Variants in TRIP12 observed in about 807,000 individuals in gnomAD.
TRIP12 encodes the protein thyroid hormone receptor interactor 12.
Under a neutral mutation model 244.2 loss-of-function variants are expected in TRIP12, and 25 were observed. That is an observed-to-expected ratio of 0.10 (90% CI 0.07 to 0.14). The LOEUF (loss-of-function observed/expected upper bound fraction) is 0.14, where lower values mean the gene tolerates loss of function less well. TRIP12 is among the 10% of genes least tolerant of loss of function. TRIP12 has a pLI of 1.00. For synonymous variants in TRIP12, 905 were observed against 873.1 expected (o/e 1.04, Z -0.64); for missense variants, 1,677 against 2,486.4 (o/e 0.67, Z 6.92).
Position 229,798,867 on chromosome 2 carries a change from C to G in TRIP12, c.3482+8G>C, listed in dbSNP as rs771358984. 10 of 1,610,996 alleles carry G rather than the reference C, an allele frequency of 6.2e-6. No homozygotes were observed. The Admixed American group carries it at 1.5e-4, about 24-fold the overall frequency. On this transcript the variant is annotated splice_region_variant and intron_variant, in intron 23 of 41. Transcript: ENST00000675903. ...AATAGAAGAAACATAAAACTCCCCC[C>G]ACTTCACCTATTATTGGAGATGGTA...
At chr2:229,816,598 A>T in intron 9 of TRIP12, among the ~76,000 whole-genome samples, 1 of 152,326 alleles carries the variant, frequency 6.6e-6, no homozygotes, top group East Asian at 1.9e-4. Flanking sequence ...AATAACAGCC[A>T]TTATTAATAG....
chr2:229,890,009 T>C (rs2066938346), intron 1 of TRIP12, among the ~76,000 whole-genome samples: 1 of 152,032 alleles, frequency 6.6e-6, no homozygotes, highest in Non-Finnish European at 1.5e-5. Context: ...TTTTCAAAAA[T>C]ATTCTCTTCA....
intron 8 of TRIP12, among the ~76,000 whole-genome samples, chr2:229,828,784 A>T (rs1185973323): frequency 6.6e-6 from 1 of 152,102 alleles, no homozygotes; most frequent in East Asian, 1.9e-4. Flanking sequence ...ATATATATAT[A>T]TAAAAAGTAC....
chr2:229,838,612 C>A (rs904332141), intron 5 of TRIP12, among the ~76,000 whole-genome samples: 39 of 152,230 alleles, frequency 2.6e-4, no homozygotes, highest in African/African-American at 9.4e-4. Context: ...TACCTGACTT[C>A]GCATATGGCT....
chr2:229,781,907 C>A (rs1277088901), intron 34 of TRIP12, among the ~76,000 whole-genome samples: 1 of 152,054 alleles, frequency 6.6e-6, no homozygotes, highest in Admixed American at 6.6e-5. Context: ...CAGGTAAGAC[C>A]CATGAAGGAA....
intron 1 of TRIP12, among the ~76,000 whole-genome samples, chr2:229,918,141 T>C (rs536569471): frequency 1.3e-5 from 2 of 152,282 alleles, no homozygotes; most frequent in Middle Eastern, 3.4e-3. Context: ...AGATCACAGG[T>C]AGAAACTTGT....
At chr2:229,893,325 A>G (rs1281029347) in intron 1 of TRIP12, among the ~76,000 whole-genome samples, 1 of 152,224 alleles carries the variant, frequency 6.6e-6, no homozygotes, top group African/African-American at 2.4e-5. Context: ...TTCAACAACG[A>G]AATGCCCAAG....
In TRIP12 at chr2:229,818,507, T is replaced by C. The variant is rs1033538724; in HGVS notation, c.1456A>G (p.Lys486Glu). 3 of 1,613,014 alleles carry C rather than the reference T, an allele frequency of 1.9e-6. No homozygotes were observed. Among genetic ancestry groups the C allele is most frequent in the Non-Finnish European group, 2.5e-6 (3 of 1,179,590 alleles). The change falls in exon 9 of 42, where the codon AAG becomes GAG. Residue 486 changes from lysine (K) to glutamate (E), a missense_variant. Around this residue, in one of 11 missense-constraint regions of TRIP12, gnomAD observed 143 missense variants for 215.6 expected, o/e 0.66. Coordinates refer to ENST00000675903, the MANE Select transcript of TRIP12 (RefSeq NM_001348323.3). ...AATCCTTGTAGTAGCTGCTGGGCCT[T>C]AGAACCTTTAGAGAAAAAAATAATT... Reference protein sequence around the residue: ...HRTIGSGASSKAQQLLQGLQA... With the variant: ...HRTIGSGASSEAQQLLQGLQA...
At chr2:229,794,967 T>C (rs1430106549) in intron 26 of TRIP12, 12 of 406,580 alleles carry the variant, frequency 3.0e-5, no homozygotes, top group Non-Finnish European at 4.6e-5. Flanking sequence ...CTGGATTATA[T>C]ATTTATAAAG....
chr2:229,918,068 CAT>C (rs1439251109), intron 1 of TRIP12, among the ~76,000 whole-genome samples: 2 of 152,182 alleles, frequency 1.3e-5, no homozygotes, highest in Admixed American at 6.5e-5. Flanking sequence ...AAAAGCAACA[CAT>C]GTCAACAAAT....
intron 1 of TRIP12, among the ~76,000 whole-genome samples, chr2:229,881,464 C>A (rs2064862587): frequency 1.3e-5 from 2 of 152,110 alleles, no homozygotes; most frequent in African/African-American, 4.8e-5. Context: ...GCAAATTAAT[C>A]ATAATTAAAT....
At chr2:229,789,066 C>G (rs752899626) in intron 31 of TRIP12, 126 bp from the exon 32 acceptor site, 3 of 806,170 alleles carry the variant, frequency 3.7e-6, no homozygotes, top group Non-Finnish European at 5.8e-6. Flanking sequence ...TTCCAACATA[C>G]AACACACAGC....
intron 19 of TRIP12, 51 bp downstream of exon 19, chr2:229,803,948 C>G (rs775393130): frequency 6.8e-7 from 1 of 1,474,494 alleles, no homozygotes; most frequent in Admixed American, 2.2e-5. Context: ...TCTGAAATTA[C>G]TTGCAGAGAT....
chr2:229,900,452 T>C lies in TRIP12; in HGVS notation c.-49-20324A>G, dbSNP rs374818997. On this transcript the variant is annotated intron_variant, in intron 1 of 41. Coordinates refer to ENST00000675903, the MANE Select transcript of TRIP12 (RefSeq NM_001348323.3). ...ATTTCTTCCTAAAGAGAAATCCAAA[T>C]AACAGTTTCCATTTGCAGTCCCATA... is the stretch of plus-strand genomic sequence containing the variant. 2.3e-4 allele frequency among the ~76,000 whole-genome samples: 35 copies of C among 152,302 alleles called. No homozygotes were observed. In the East Asian group the frequency reaches 5.8e-3, roughly 25 times the overall value.
chr2:229,830,193 C>T (rs2052961311), intron 7 of TRIP12, among the ~76,000 whole-genome samples: 1 of 152,152 alleles, frequency 6.6e-6, no homozygotes, highest in East Asian at 1.9e-4. Context: ...TTTGTGTATA[C>T]ACTATACATT....
intron 26 of TRIP12, chr2:229,793,358 T>C (rs2042018203): frequency 2.5e-6 from 1 of 396,974 alleles, no homozygotes; most frequent in Non-Finnish European, 4.5e-6. Context: ...TGTGTATGCA[T>C]GCATATGAAA....
At position 229,793,241 on chromosome 2, in the gene TRIP12, A is replaced by AT. The variant is rs11386231; in HGVS notation, c.3969-97dup. The AT allele has an allele frequency of 4.1e-4, 510 of 1,254,334 alleles. 2 individuals carry two copies. In the African/African-American group the frequency reaches 6.7e-3, roughly 16 times the overall value. The allele number at this position is 1,254,334 out of a possible 1,614,324, so 77.7% of individuals were successfully genotyped here. ...GCAAGTTAATACAAACTGCATTTTC[A>AT]TAAGACACACTAGTACTAAGCATTT... On this transcript the variant is annotated intron_variant, in intron 26 of 41. Transcript: ENST00000675903.
In TRIP12 at chr2:229,767,488, A is replaced by G; in HGVS notation, c.*66T>C. 1 of 1,516,668 alleles carries G rather than the reference A, an allele frequency of 6.6e-7. No individual in the cohort carries two copies. Among genetic ancestry groups the G allele is most frequent in the South Asian group, 1.3e-5 (1 of 74,692 alleles). 94.0% of individuals were successfully genotyped at this position (1,516,668 alleles called of 1,614,324 possible). On this transcript the variant is annotated 3_prime_UTR_variant, in exon 42 of 42. Transcript: ENST00000675903. ...ATGTTTCCTTGACTCAGGTGATAAC[A>G]TTAGAAAAGAAATCATGATTTGTTT... is the stretch of plus-strand genomic sequence containing the variant.
intron 1 of TRIP12, among the ~76,000 whole-genome samples, chr2:229,896,594 A>G (rs937245420): frequency 1.3e-5 from 2 of 152,214 alleles, no homozygotes; most frequent in African/African-American, 4.8e-5. Context: ...CCTGGGTGAC[A>G]GAGCAAGACT....
Sources: gnomAD v4.1 joint callset for allele counts (sites outside exome capture counted in the v4.1 genomes callset) on GRCh38, gnomAD v4.1.1 for gene constraint, gnomAD v4.1.1 regional missense constraint, MANE v1.5 for transcripts, NCBI Gene and HGNC (gene_info 2026-07-23, HGNC 2026-07-21) for gene names.